ATAD2B: variants seen among roughly 807,000 people sequenced by gnomAD.
ATAD2B encodes ATPase family AAA domain-containing protein 2B.
ATAD2B carries 40 observed loss-of-function variants against 167.6 expected under a neutral mutation model. The observed-to-expected ratio is 0.24, with a 90% CI of 0.19 to 0.31. The LOEUF is 0.31. ATAD2B is among the 10% of genes least tolerant of loss of function. The pLI, the probability that ATAD2B is intolerant of heterozygous loss-of-function variation, is 1.00. For missense variants in ATAD2B, 1,242 were observed against 1,757.2 expected (o/e 0.71, Z 5.24); for synonymous variants, 579 against 596.5 (o/e 0.97, Z 0.43).
intron 1 of ATAD2B, 120 bp downstream of exon 1, chr2:23,926,429 AGACCCT>A: frequency 7.0e-7 from 1 of 1,419,742 alleles, no homozygotes; most frequent in Non-Finnish European, 9.2e-7. Context: ...CCGCGCCCGC[AGACCCT>A]GTCTCCAGCC....
At chr2:23,773,859 C>CTA (rs1204370600) in intron 22 of ATAD2B, among the ~76,000 whole-genome samples, 2 of 152,140 alleles carry the variant, frequency 1.3e-5, no homozygotes, top group African/African-American at 4.8e-5. Context: ...ATCTCCTCAT[C>CTA]TATAAAATAA....
At chr2:23,836,743 T>C (rs754357435) in intron 13 of ATAD2B, among the ~76,000 whole-genome samples, 1 of 152,038 alleles carries the variant, frequency 6.6e-6, no homozygotes, top group Non-Finnish European at 1.5e-5. Context: ...CATCCTGACA[T>C]CTGCAGCTCT....
At chr2:23,912,084 C>G (rs1702398753) in intron 1 of ATAD2B, among the ~76,000 whole-genome samples, 1 of 151,326 alleles carries the variant, frequency 6.6e-6, no homozygotes, top group Non-Finnish European at 1.5e-5. Context: ...ATTCATGAAA[C>G]ATTTACCAAA....
chr2:23,721,584 G>C, the ATAD2B span, among the ~76,000 whole-genome samples: 50 of 152,300 alleles, frequency 3.3e-4, no homozygotes, highest in African/African-American at 1.2e-3. Context: ...CCCCAGGCCA[G>C]CCAGGCAGCT....
chr2:23,892,477 T>C (rs1004964002), intron 2 of ATAD2B, among the ~76,000 whole-genome samples: 1 of 149,612 alleles, frequency 6.7e-6, no homozygotes, highest in African/African-American at 2.5e-5. Context: ...TCTTTTCTTT[T>C]TTTTTTTTTT....
chr2:23,855,438 A>C (rs967303519), intron 13 of ATAD2B, among the ~76,000 whole-genome samples: 1 of 152,224 alleles, frequency 6.6e-6, no homozygotes, highest in African/African-American at 2.4e-5. Flanking sequence ...AAGACAGTTA[A>C]CACCACCAAT....
intron 17 of ATAD2B, among the ~76,000 whole-genome samples, chr2:23,814,755 G>A (rs772202252): frequency 3.9e-5 from 6 of 152,072 alleles, no homozygotes; most frequent in African/African-American, 7.2e-5. Flanking sequence ...TGTAAGCCAC[G>A]TTAAAAGTTT....
In ATAD2B at chr2:23,908,011, C is replaced by CAT. The variant is rs1558780095; in HGVS notation, c.217-12042_217-12041insAT. Among the ~76,000 whole-genome samples, 19 of 152,094 alleles carry CAT rather than the reference C, an allele frequency of 1.2e-4. No homozygotes were observed. The East Asian group carries it at 1.9e-3, about 15-fold the overall frequency. ...ATTCAAGATGGATTAAAGACTTAAG[C>CAT]GTTAGACCTAAAACCATAAAAACCC... On this transcript the variant is annotated intron_variant, in intron 1 of 27. Coordinates refer to ENST00000238789, the MANE Select transcript of ATAD2B (RefSeq NM_017552.4).
At chr2:23,871,085 G>C (rs2150107215) in intron 8 of ATAD2B, among the ~76,000 whole-genome samples, 1 of 150,166 alleles carries the variant, frequency 6.7e-6, no homozygotes, top group East Asian at 2.0e-4. Context: ...TATTCAGTTA[G>C]CAGTTCCACT....
intron 18 of ATAD2B, among the ~76,000 whole-genome samples, chr2:23,808,350 G>A (rs1427023715): frequency 1.3e-5 from 2 of 150,938 alleles, no homozygotes; most frequent in African/African-American, 2.4e-5. Flanking sequence ...AAGGCAGAGA[G>A]CATTCCTGGT....
intron 22 of ATAD2B, among the ~76,000 whole-genome samples, chr2:23,775,454 C>T (rs961186690): frequency 3.9e-5 from 6 of 151,962 alleles, no homozygotes; most frequent in South Asian, 2.1e-4. Context: ...CCTCGTGATC[C>T]GCCCGCCTTG....
intron 17 of ATAD2B, among the ~76,000 whole-genome samples, chr2:23,812,800 T>C (rs1489700008): frequency 2.1e-5 from 3 of 146,150 alleles, no homozygotes; most frequent in South Asian, 2.2e-4. Flanking sequence ...GAGGCAGAGG[T>C]TGCAGTGAGC....
chr2:23,820,792 A>C (rs892241592), intron 16 of ATAD2B, among the ~76,000 whole-genome samples: 2 of 152,002 alleles, frequency 1.3e-5, no homozygotes, highest in Non-Finnish European at 2.9e-5. Flanking sequence ...CTAAAAATAC[A>C]AAAAAATTAG....
chr2:23,708,095 A>G, the ATAD2B span: 1 of 152,214 alleles, frequency 6.6e-6, no homozygotes, highest in African/African-American at 2.4e-5. Flanking sequence ...GATAACAACC[A>G]TTTATAAGAG....
chr2:23,884,254 C>T (rs895351823), intron 6 of ATAD2B, among the ~76,000 whole-genome samples: 1 of 152,152 alleles, frequency 6.6e-6, no homozygotes, highest in Non-Finnish European at 1.5e-5. Context: ...TCTGGCCCTA[C>T]AAGGTCAGTC....
rs1475158163 is a variant in ATAD2B at position 23,876,201 on chromosome 2, C to T, written c.902-297G>A. On this transcript the variant is annotated intron_variant, in intron 7 of 27. Coordinates refer to ENST00000238789, the MANE Select transcript of ATAD2B (RefSeq NM_017552.4). Reference sequence around the variant, plus strand: ...TAGAGACAGGGTTTCACCATGTTGGCCAGGATGGTCTCGATCTCCTGACCT... The same window carrying T: ...TAGAGACAGGGTTTCACCATGTTGGTCAGGATGGTCTCGATCTCCTGACCT... Among the ~76,000 whole-genome samples, 3 of 151,714 alleles carry T rather than the reference C, an allele frequency of 2.0e-5. No homozygotes were observed. In the East Asian group the frequency reaches 5.8e-4, roughly 29 times the overall value.
At chr2:23,803,117 T>A (rs1311498312) in intron 18 of ATAD2B, among the ~76,000 whole-genome samples, 1 of 152,142 alleles carries the variant, frequency 6.6e-6, no homozygotes, top group African/African-American at 2.4e-5. Context: ...AAAAAGAGAA[T>A]CATAGTTTTG....
chr2:23,777,643 C>T (rs1032501196), intron 22 of ATAD2B, among the ~76,000 whole-genome samples: 18 of 152,000 alleles, frequency 1.2e-4, no homozygotes. Flanking sequence ...TTTGAGACAA[C>T]TAAAACATTA....
At chr2:23,741,866 A>C in the ATAD2B span, among the ~76,000 whole-genome samples, 2 of 152,188 alleles carry the variant, frequency 1.3e-5, no homozygotes, top group Admixed American at 6.5e-5. Flanking sequence ...AGAAAAAAAC[A>C]AACAACCTCA....
Sources: allele counts gnomAD v4.1 joint callset (sites outside exome capture counted in the v4.1 genomes callset), GRCh38; gene constraint gnomAD v4.1.1; transcripts MANE v1.5; gene names NCBI Gene and HGNC (gene_info 2026-07-23, HGNC 2026-07-21).